Variants in ELF1 observed in about 807,000 individuals in gnomAD.
ELF1 encodes E74 like ETS transcription factor 1.
In ELF1, 24 loss-of-function variants were observed where a neutral mutation model predicts 59.9. That is an observed-to-expected ratio of 0.40 (90% CI 0.29 to 0.56). The LOEUF is 0.56. ELF1 is among the 20% of genes least tolerant of loss of function. The pLI, the probability that ELF1 is intolerant of heterozygous loss-of-function variation, is 0.44. For synonymous variants in ELF1, 248 were observed against 266.2 expected (o/e 0.93, Z 0.67); for missense variants, 627 against 742.2 (o/e 0.84, Z 1.80).
chr13:41,006,402 C>T lies in ELF1; in HGVS notation c.-229+12826G>A, dbSNP rs77230923. Among the ~76,000 whole-genome samples, 24 of 152,244 alleles carry T rather than the reference C, an allele frequency of 1.6e-4. No individual in the cohort carries two copies. In the East Asian group the frequency reaches 4.6e-3, roughly 29 times the overall value. ...TTTCCTTACACATTAGCTCCCCTCC[C>T]CTATCCTCTGGCTCTGATGCTTAGT... is the stretch of plus-strand genomic sequence containing the variant. On this transcript the variant is annotated intron_variant, in intron 1 of 8. Coordinates refer to ENST00000239882, the MANE Select transcript of ELF1 (RefSeq NM_172373.4).
intron 1 of ELF1, among the ~76,000 whole-genome samples, chr13:41,054,749 G>A (rs1039266028): frequency 6.6e-6 from 1 of 152,166 alleles, no homozygotes. Context: ...CTTTGTCAAG[G>A]CCTAATGGAG....
At position 40,967,231 on chromosome 13, in the gene ELF1, G is replaced by A. The variant is rs541319407; in HGVS notation, c.73-8215C>T. Among the ~76,000 whole-genome samples, 8 of 152,214 alleles carry A rather than the reference G, an allele frequency of 5.3e-5. No homozygotes were observed. In the East Asian group the frequency reaches 1.2e-3, roughly 22 times the overall value. ...CCAGCACCTTACTCTATTACAACAC[G>A]ATCTGACAGTACCTTACCATGCAGC... On this transcript the variant is annotated intron_variant, in intron 2 of 8. Transcript: ENST00000239882.
At chr13:40,937,530 C>T (rs367846654) in intron 8 of ELF1, among the ~76,000 whole-genome samples, 4 of 152,142 alleles carry the variant, frequency 2.6e-5, no homozygotes, top group South Asian at 4.2e-4. Flanking sequence ...AGTGCAGTGG[C>T]GCCATCTCAG....
At chr13:41,021,477 G>C (rs1309308436), upstream of ELF1, among the ~76,000 whole-genome samples, 1 of 151,808 alleles carries the variant, frequency 6.6e-6, no homozygotes, top group Non-Finnish European at 1.5e-5. Flanking sequence ...GCCCCAATAA[G>C]TCAATCTCTG....
rs1301218784 is a variant in ELF1 at position 40,954,693 on chromosome 13, G to A, written c.254-3257C>T. Among the ~76,000 whole-genome samples the A allele has an allele frequency of 1.4e-3, 212 of 152,156 alleles. 2 individuals are homozygous for A. Among genetic ancestry groups the A allele is most frequent in the African/African-American group, 4.7e-3 (195 of 41,552 alleles). Reference sequence around the variant, plus strand: ...TCCAGCTCCTAACCGCGAGTGATCCGCCAGCCTCGGCCTCCCGAGGTGCCG... The same window carrying A: ...TCCAGCTCCTAACCGCGAGTGATCCACCAGCCTCGGCCTCCCGAGGTGCCG... On this transcript the variant is annotated intron_variant, in intron 3 of 8. Transcript: ENST00000239882.
At chr13:41,060,083 G>C (rs1047604542) in intron 1 of ELF1, among the ~76,000 whole-genome samples, 1 of 152,214 alleles carries the variant, frequency 6.6e-6, no homozygotes, top group Non-Finnish European at 1.5e-5. Context: ...AAGTCAAGTT[G>C]GGAAGACCTC....
intron 2 of ELF1, among the ~76,000 whole-genome samples, chr13:40,973,410 A>G (rs1428589312): frequency 6.6e-6 from 1 of 152,132 alleles, no homozygotes; most frequent in Non-Finnish European, 1.5e-5. Context: ...ACAAACAATT[A>G]TTTTCATCAG....
chr13:40,944,169 T>G (rs1200315370), intron 5 of ELF1, among the ~76,000 whole-genome samples: 2 of 152,230 alleles, frequency 1.3e-5, no homozygotes, highest in Non-Finnish European at 2.9e-5. Flanking sequence ...CACCTCAGTT[T>G]ATATCTGTAA....
At chr13:41,000,137 C>G (rs1874339522) in intron 1 of ELF1, among the ~76,000 whole-genome samples, 1 of 151,528 alleles carries the variant, frequency 6.6e-6, no homozygotes, top group African/African-American at 2.4e-5. Context: ...AGACTGCTAT[C>G]ACCAGCATTC....
intron 5 of ELF1, among the ~76,000 whole-genome samples, 200 bp downstream of exon 5, chr13:40,949,606 C>T (rs1870720154): frequency 1.3e-5 from 2 of 152,138 alleles, no homozygotes; most frequent in African/African-American, 4.8e-5. Flanking sequence ...CTTCCTGCCT[C>T]GGCCTCCTAA....
chr13:40,991,093 C>G (rs922211530), intron 1 of ELF1, among the ~76,000 whole-genome samples: 5 of 152,122 alleles, frequency 3.3e-5, no homozygotes, highest in Non-Finnish European at 4.4e-5. Context: ...AAACATCAGA[C>G]AAATCTCCAC....
At chr13:41,045,306 C>A (rs1212713348) in intron 1 of ELF1, among the ~76,000 whole-genome samples, 1 of 149,838 alleles carries the variant, frequency 6.7e-6, no homozygotes, top group African/African-American at 2.4e-5. Context: ...CAGTTCTGCT[C>A]TTACTTATTT....
chr13:41,038,413 A>C (rs1876473280), intron 1 of ELF1, among the ~76,000 whole-genome samples: 1 of 152,170 alleles, frequency 6.6e-6, no homozygotes, highest in African/African-American at 2.4e-5. Context: ...GCTACTGGGG[A>C]GGCTGAGGCA....
At chr13:41,042,426 T>C (rs990279980) in intron 1 of ELF1, among the ~76,000 whole-genome samples, 3 of 152,172 alleles carry the variant, frequency 2.0e-5, no homozygotes, top group Middle Eastern at 3.2e-3. Flanking sequence ...GTCATTTATA[T>C]TTGGCATATG....
intron 8 of ELF1, among the ~76,000 whole-genome samples, chr13:40,937,724 C>T (rs1869878088): frequency 6.6e-6 from 1 of 152,230 alleles, no homozygotes; most frequent in Non-Finnish European, 1.5e-5. Flanking sequence ...CCGCCTCGGC[C>T]TCCCACAGTG....
At chr13:41,014,852 C>A (rs1875266086) in intron 1 of ELF1, among the ~76,000 whole-genome samples, 1 of 151,916 alleles carries the variant, frequency 6.6e-6, no homozygotes, top group Non-Finnish European at 1.5e-5. Flanking sequence ...GCAAAACCTA[C>A]AAATATGCAA....
chr13:41,017,624 CTA>C (rs1218099646), intron 1 of ELF1, among the ~76,000 whole-genome samples: 1 of 152,068 alleles, frequency 6.6e-6, no homozygotes, highest in Non-Finnish European at 1.5e-5. Context: ...ACTTCAGTCT[CTA>C]TCACGTAAGA....
upstream of ELF1, among the ~76,000 whole-genome samples, chr13:41,020,976 C>A: frequency 6.6e-6 from 1 of 151,852 alleles, no homozygotes; most frequent in African/African-American, 2.4e-5. Flanking sequence ...TTAAAAAAAC[C>A]CACCTTACAA....
intron 1 of ELF1, among the ~76,000 whole-genome samples, chr13:41,043,663 A>G (rs1876717808): frequency 6.6e-6 from 1 of 151,846 alleles, no homozygotes; most frequent in East Asian, 1.9e-4. Context: ...ATTGGTCTAT[A>G]TCTGTTTTGG....
Sources: gnomAD v4.1 joint callset for allele counts (sites outside exome capture counted in the v4.1 genomes callset) on GRCh38, gnomAD v4.1.1 for gene constraint, MANE v1.5 for transcripts, NCBI Gene and HGNC (gene_info 2026-07-23, HGNC 2026-07-21) for gene names.